TRHDE: variants seen among roughly 807,000 people sequenced by gnomAD.
TRHDE encodes thyrotropin releasing hormone degrading enzyme.
TRHDE carries 72 observed loss-of-function variants against 125.7 expected under a neutral mutation model. That is an observed-to-expected ratio of 0.57 (90% CI 0.47 to 0.70). The LOEUF (loss-of-function observed/expected upper bound fraction) is 0.70. Among genes scored for constraint, TRHDE ranks in the 30% least tolerant of loss-of-function variants. The pLI is 0.00. For missense variants in TRHDE, 1,110 were observed against 1,327.1 expected (o/e 0.84, Z 2.54); for synonymous variants, 509 against 509.1 (o/e 1.00, Z 0.00).
In TRHDE at chr12:72,668,267, A is replaced by C. The variant is rs1289176249; in HGVS notation, c.*5072A>C. 6.6e-6 allele frequency: 1 copy of C among 151,724 alleles called. No homozygotes were observed. Among genetic ancestry groups the C allele is most frequent in the Non-Finnish European group, 1.5e-5 (1 of 67,746 alleles). 9.4% of individuals were successfully genotyped at this position (151,724 alleles called of 1,614,324 possible). ...ATTTTATTTTAAAGTTTAGGTAAGG[A>C]AAGTTTTTAAACTGTCTTAAATATT... On this transcript the variant is annotated 3_prime_UTR_variant, in exon 19 of 19. Transcript: ENST00000261180.
chr12:72,255,703 G>T (rs1210438994), intron 2 of TRHDE: 2 of 152,186 alleles, frequency 1.3e-5, no homozygotes, highest in African/African-American at 2.4e-5. Flanking sequence ...ATAAGATCCA[G>T]GCTGTTTCAG....
intron 5 of TRHDE, among the ~76,000 whole-genome samples, chr12:72,475,629 T>C (rs1223850813): frequency 1.3e-5 from 2 of 152,170 alleles, no homozygotes; most frequent in African/African-American, 4.8e-5. Flanking sequence ...TTAGAGGTAT[T>C]GAAAATGAAC....
In TRHDE at chr12:72,307,048, T is replaced by G. The variant is rs146077183; in HGVS notation, c.1188+20094T>G. Among the ~76,000 whole-genome samples the G allele has an allele frequency of 9.9e-5, 15 of 152,252 alleles. No homozygotes were observed. The East Asian group carries it at 2.9e-3, about 29-fold the overall frequency. On this transcript the variant is annotated intron_variant, in intron 2 of 18. Coordinates refer to ENST00000261180, the MANE Select transcript of TRHDE (RefSeq NM_013381.3). ...GGTGACGAGATCAGATATGTATGTG[T>G]GTGCATGTGTAGGTAGGGCCTTCTA...
intron 3 of TRHDE, among the ~76,000 whole-genome samples, chr12:72,425,539 C>T (rs370402457): frequency 6.6e-6 from 1 of 152,002 alleles, no homozygotes; most frequent in East Asian, 1.9e-4. Flanking sequence ...CAGTTAAGAT[C>T]CTCACCTTGT....
intron 2 of TRHDE, among the ~76,000 whole-genome samples, chr12:72,362,380 C>T (rs1464406753): frequency 1.3e-5 from 2 of 149,730 alleles, no homozygotes; most frequent in Non-Finnish European, 3.0e-5. Context: ...AGTGTCTGTT[C>T]ATGTCCTTTG....
chr12:72,509,486 C>T (rs570479503), intron 6 of TRHDE, among the ~76,000 whole-genome samples: 1 of 152,266 alleles, frequency 6.6e-6, no homozygotes, highest in Admixed American at 6.5e-5. Flanking sequence ...TACCAAACTC[C>T]TTCCCACATG....
At chr12:72,512,452 A>AT (rs1878626920) in intron 6 of TRHDE, among the ~76,000 whole-genome samples, 1 of 140,172 alleles carries the variant, frequency 7.1e-6, no homozygotes. Flanking sequence ...ATAATTATAT[A>AT]ATTATAATAT....
upstream of TRHDE, among the ~76,000 whole-genome samples, chr12:72,270,525 C>T: frequency 6.6e-6 from 1 of 152,156 alleles, no homozygotes; most frequent in East Asian, 1.9e-4. Flanking sequence ...TTCAGTACTC[C>T]AAAGCCAGAA....
At chr12:72,184,061 C>A (rs1349863845) in intron 2 of TRHDE, among the ~76,000 whole-genome samples, 1 of 152,148 alleles carries the variant, frequency 6.6e-6, no homozygotes, top group African/African-American at 2.4e-5. Flanking sequence ...TAGCTAGAAG[C>A]AGTACAACAC....
intron 2 of TRHDE, among the ~76,000 whole-genome samples, chr12:72,356,867 C>A (rs1244827006): frequency 6.6e-6 from 1 of 151,434 alleles, no homozygotes; most frequent in Admixed American, 6.6e-5. Flanking sequence ...AGAAAACTTA[C>A]CTGTGAGCCA....
intron 5 of TRHDE, among the ~76,000 whole-genome samples, chr12:72,483,851 A>C (rs1877286593): frequency 6.6e-6 from 1 of 152,038 alleles, no homozygotes; most frequent in Non-Finnish European, 1.5e-5. Context: ...TTGACAATTC[A>C]TATCACATTG....
intron 2 of TRHDE, among the ~76,000 whole-genome samples, chr12:72,166,871 A>G (rs143873634): frequency 1.0e-4 from 15 of 150,138 alleles, no homozygotes; most frequent in Non-Finnish European, 1.9e-4. Flanking sequence ...CTAATAGTCT[A>G]TTTTGCCTAG....
chr12:72,187,483 G>GGTCGTGGTC (rs1301589369), intron 2 of TRHDE, among the ~76,000 whole-genome samples: 1 of 146,646 alleles, frequency 6.8e-6, no homozygotes, highest in African/African-American at 2.5e-5. Context: ...TGGTCGTGGT[G>GGTCGTGGTC]GTGGTGGTGG....
chr12:72,419,142 G>T (rs1200722994), intron 3 of TRHDE, among the ~76,000 whole-genome samples: 1 of 152,096 alleles, frequency 6.6e-6, no homozygotes, highest in East Asian at 1.9e-4. Context: ...CACTTAAGAT[G>T]GAGACTCAAG....
At chr12:72,122,680 C>T (rs1023882912) in intron 2 of TRHDE, among the ~76,000 whole-genome samples, 1 of 151,858 alleles carries the variant, frequency 6.6e-6, no homozygotes, top group Non-Finnish European at 1.5e-5. Flanking sequence ...AAGGAAGTCA[C>T]TTTTCTGGAT....
At chr12:72,206,872 G>A (rs1877678925) in intron 2 of TRHDE, among the ~76,000 whole-genome samples, 1 of 151,648 alleles carries the variant, frequency 6.6e-6, no homozygotes, top group Admixed American at 6.6e-5. Context: ...ATATATATAG[G>A]AGAAAGTATT....
intron 7 of TRHDE, among the ~76,000 whole-genome samples, chr12:72,553,544 C>T (rs1869774544): frequency 6.6e-6 from 1 of 152,056 alleles, no homozygotes. Context: ...ATTCCATGAA[C>T]TGCCCATCAG....
rs545439290 is a variant in TRHDE, at chr12:72,320,818, G to A, written c.1188+33864G>A. Among the ~76,000 whole-genome samples, 9 of 152,230 alleles carry A rather than the reference G, an allele frequency of 5.9e-5. No homozygotes were observed. The South Asian group carries it at 1.9e-3, about 32-fold the overall frequency. On this transcript the variant is annotated intron_variant, in intron 2 of 18. Transcript: ENST00000261180. ...CCTTTCTTGGTCTGTTACTAGCTGT[G>A]TGGCCTCAGGCAAGCTGTTTAAGCA...
At chr12:72,505,077 G>A (rs537369268) in intron 6 of TRHDE, among the ~76,000 whole-genome samples, 2 of 152,182 alleles carry the variant, frequency 1.3e-5, no homozygotes, top group South Asian at 4.1e-4. Flanking sequence ...AAAAAATAAA[G>A]GTTAGGAACC....
Sources: allele counts gnomAD v4.1 joint callset (sites outside exome capture counted in the v4.1 genomes callset), GRCh38; gene constraint gnomAD v4.1.1; transcripts MANE v1.5; gene names NCBI Gene and HGNC (gene_info 2026-07-23, HGNC 2026-07-21).